FASN: variants seen among roughly 807,000 people sequenced by gnomAD.
FASN encodes 3-hydroxyacyl-[acyl-carrier-protein] dehydratase.
A neutral mutation model predicts 250.0 loss-of-function variants in FASN; 50 were observed. The observed-to-expected ratio is 0.20, with a 90% confidence interval of 0.16 to 0.25. FASN has a LOEUF of 0.25. Ranked by LOEUF, FASN falls within the 10% of genes least tolerant of loss-of-function variation. The probability of loss-of-function intolerance (pLI) is 1.00; values close to 1 mark genes in which losing one functional copy is unlikely to be tolerated. For missense variants in FASN, 3,031 were observed against 3,498.5 expected (o/e 0.87, Z 3.37); for synonymous variants, 1,909 against 1,584.0 (o/e 1.21, Z -4.87).
chr17:82,086,884 G>GGGGGCTC (rs1265916014), intron 21 of FASN, among the ~76,000 whole-genome samples, 166 bp downstream of exon 21: 1 of 151,710 alleles, frequency 6.6e-6, no homozygotes, highest in Non-Finnish European at 1.5e-5. Context: ...GCTGGGGGCT[G>GGGGGCTC]GGGGAGGGAG....
rs1274674135 is a variant in FASN, at chr17:82,086,414, T to G, written c.3572A>C (p.Asn1191Thr). The change falls in exon 22 of 43, where the codon AAC becomes ACC. Residue 1191 changes from asparagine (N) to threonine (T), a missense_variant. By Grantham distance (65) the Asn-to-Thr change is moderately conservative. Coordinates refer to ENST00000306749, the MANE Select transcript of FASN (RefSeq NM_004104.5). ...CGCCAGCTCCAGCTGCAGGTTCCCG[T>G]TGAGCTGAAGCCTGCAGGCAGCCGA... ...LLSAACRLQL[N>T]GNLQLELAQV... 1 of 1,611,286 alleles carries G rather than the reference T, an allele frequency of 6.2e-7. No homozygotes were observed. The highest frequency in any genetic ancestry group is 8.5e-7 in the Non-Finnish European group (1 of 1,179,906).
In FASN at chr17:82,084,578, T is replaced by C. The variant is rs2034054305; in HGVS notation, c.4703A>G (p.Tyr1568Cys). Residue 1568 changes from tyrosine to cysteine, a missense_variant, in exon 27 of 43, where the codon TAC becomes TGC. Tyr to Cys is a radical substitution (Grantham distance 194, BLOSUM62 -2). Transcript: ENST00000306749. ...CPGAQLCTVYYASLNFRDIML... is the reference protein window; with the variant it reads ...CPGAQLCTVYCASLNFRDIML... ...GATGTCGCGGAAGTTGAGGGAGGCG[T>C]AGTAGACCGTGCAGAGCTGGGCGCC... 1 of 1,611,250 alleles carries C rather than the reference T, an allele frequency of 6.2e-7. No individual in the cohort carries two copies.
chr17:82,093,985 T>TA (rs1428977563), intron 3 of FASN: 1 of 622,244 alleles, frequency 1.6e-6, no homozygotes, highest in Non-Finnish European at 2.9e-6. Context: ...CCAGCCCAGG[T>TA]GAGGCCTGGA....
intron 1 of FASN, chr17:82,096,692 G>A (rs1598586204): frequency 1.7e-6 from 1 of 574,686 alleles, no homozygotes; most frequent in Non-Finnish European, 3.1e-6. Flanking sequence ...GACCCATTCA[G>A]TTCAGGGTAT....
chr17:82,091,341 G>A lies in FASN; in HGVS notation c.1373C>T (p.Ala458Val), dbSNP rs143812680. Residue 458 changes from alanine to valine, a missense_variant, in exon 9 of 43, where the codon GCG becomes GTG. Coordinates refer to ENST00000306749, the MANE Select transcript of FASN (RefSeq NM_004104.5). ...LAFLSMLNDI[A>V]AVPATAMPFR... ...GGGCATGGCGGTGGCGGGGACAGCCGCGATGTCGTTCAGCATGCTCAGGAA... is the reference window on the plus strand; with the variant it reads ...GGGCATGGCGGTGGCGGGGACAGCCACGATGTCGTTCAGCATGCTCAGGAA... 1.4e-5 allele frequency: 22 copies of A among 1,610,312 alleles called. No homozygotes were observed. The highest frequency in any genetic ancestry group is 7.7e-5 in the South Asian group (7 of 90,802).
chr17:82,082,878 G>T, intron 33 of FASN, 36 bp downstream of exon 33: 1 of 1,609,046 alleles, frequency 6.2e-7, no homozygotes, highest in Non-Finnish European at 8.5e-7. Context: ...GCTGTGCCTG[G>T]CCCAGGCTGG....
Position 82,082,180 on chromosome 17 carries a change from T to C in FASN, c.6012-20A>G. On this transcript the variant is annotated intron_variant, in intron 35 of 42. Transcript: ENST00000306749. ...GTCACCCTGTGGGCACGCGTGTCAC[T>C]CCCCATTGGCCAGCATCCCCAGGAG... 6.2e-7 allele frequency: 1 copy of C among 1,601,258 alleles called. No homozygotes were observed. The highest frequency in any genetic ancestry group is 8.5e-7 in the Non-Finnish European group (1 of 1,179,864).
intron 21 of FASN, among the ~76,000 whole-genome samples, 168 bp downstream of exon 21, chr17:82,086,882 C>A (rs2034112737): frequency 7.1e-6 from 1 of 141,052 alleles, no homozygotes; most frequent in African/African-American, 2.5e-5. Flanking sequence ...AGGCTGGGGG[C>A]TGGGGGAGGG....
At chr17:82,094,755 C>A (rs140237045) in intron 3 of FASN, among the ~76,000 whole-genome samples, 1 of 151,496 alleles carries the variant, frequency 6.6e-6, no homozygotes, top group Non-Finnish European at 1.5e-5. Context: ...CGCCACTGCA[C>A]TCCAACCTGG....
Position 82,091,328 on chromosome 17 carries a change from G to C in FASN, c.1386C>G (p.Ala462=). Residue 462 remains alanine (A), a synonymous_variant, in exon 9 of 43, where the codon GCC becomes GCG. Coordinates refer to ENST00000306749, the MANE Select transcript of FASN (RefSeq NM_004104.5). ...CGTAGCCACGGAAGGGCATGGCGGT[G>C]GCGGGGACAGCCGCGATGTCGTTCA... ...SMLNDIAAVP[A]TAMPFRGYAV... is the part of the protein sequence containing the mutation. 6.2e-7 allele frequency: 1 copy of C among 1,610,048 alleles called. No homozygotes were observed. The highest frequency in any genetic ancestry group is 1.3e-5 in the African/African-American group (1 of 75,038).
rs1288990294 is a variant in FASN at position 82,091,293 on chromosome 17, C to G, written c.1421G>C (p.Gly474Ala). The G allele has an allele frequency of 1.2e-6, 2 of 1,609,872 alleles. No individual in the cohort carries two copies. Among genetic ancestry groups the G allele is most frequent in the South Asian group, 1.1e-5 (1 of 90,746 alleles). Residue 474 changes from glycine (G) to alanine (A), a missense_variant, in exon 9 of 43, where the codon GGT (glycine) becomes GCT (alanine). Physicochemically the swap from Gly to Ala is moderately conservative, Grantham distance 60. Coordinates refer to ENST00000306749, the MANE Select transcript of FASN (RefSeq NM_004104.5). ...AMPFRGYAVL[G>A]GERGGPEVQQ... The stretch of plus-strand genomic sequence containing the variant: ...CACCTCTGGGCCACCGCGCTCACCA[C>G]CCAGCACAGCGTAGCCACGGAAGGG...
chr17:82,090,623 G>A (rs78840189), intron 10 of FASN, 59 bp from the exon 11 acceptor site: 17,508 of 1,481,014 alleles, frequency 0.012, 158 homozygotes, highest in Middle Eastern at 0.015. Context: ...TGTTGGGGGC[G>A]GCCCCCGGCC....
rs756578424 is a variant in FASN at position 82,082,952 on chromosome 17, T to C, written c.5729A>G (p.Gln1910Arg). 4 of 1,612,730 alleles carry C rather than the reference T, an allele frequency of 2.5e-6. No individual in the cohort carries two copies. The highest frequency in any genetic ancestry group is 2.7e-5 in the African/African-American group (2 of 74,918). ...GGAGCGAGAAGTCAACACGAGCTTCTGCACCCCACGCTGTATCAGCCACTG... is the reference window on the plus strand; with the variant it reads ...GGAGCGAGAAGTCAACACGAGCTTCCGCACCCCACGCTGTATCAGCCACTG... ...LAQWLIQRGV[Q>R]KLVLTSRSGI... is the part of the protein sequence containing the mutation. Residue 1910 changes from glutamine to arginine, a missense_variant, in exon 33 of 43, where the codon CAG (glutamine) becomes CGG (arginine). Gln to Arg is a conservative substitution (Grantham distance 43). Transcript: ENST00000306749.
In FASN at chr17:82,085,626, G is replaced by C. The variant is rs748732731; in HGVS notation, c.3978C>G (p.Ala1326=). 6.3e-7 allele frequency: 1 copy of C among 1,598,576 alleles called. No homozygotes were observed. The highest frequency in any genetic ancestry group is 2.3e-5 in the East Asian group (1 of 44,022). Residue 1326 remains alanine (A), a synonymous_variant, in exon 23 of 43, where the codon GCC becomes GCG. Transcript: ENST00000306749. ...NCAVAALGDP[A]SALSNMVAAL... ...CAGCCACCATGTTGCTGAGAGCTGAGGCCGGGTCCCCGAGGGCAGCCACAG... is the reference window on the plus strand; with the variant it reads ...CAGCCACCATGTTGCTGAGAGCTGACGCCGGGTCCCCGAGGGCAGCCACAG...
rs1274876672 is a variant in FASN, at chr17:82,086,385, C to T, written c.3601G>A (p.Val1201Met). The T allele has an allele frequency of 5.0e-6, 8 of 1,609,870 alleles. No homozygotes were observed. The highest frequency in any genetic ancestry group is 1.1e-5 in the South Asian group (1 of 91,028). Residue 1201 changes from valine to methionine, a missense_variant, in exon 22 of 43, where the codon GTG becomes ATG. Coordinates refer to ENST00000306749, the MANE Select transcript of FASN (RefSeq NM_004104.5). ...AGCTTGGGCCTCTCCTGGGCCAGCA[C>T]CTGCGCCAGCTCCAGCTGCAGGTTC... ...NGNLQLELAQ[V>M]LAQERPKLPE...
intron 14 of FASN, 44 bp from the exon 15 acceptor site, chr17:82,088,920 G>A: frequency 6.2e-7 from 1 of 1,609,882 alleles, no homozygotes; most frequent in African/African-American, 1.3e-5. Flanking sequence ...GCTCAGCTGA[G>A]GCGCCCATCC....
At chr17:82,093,922 A>G (rs930494730) in intron 3 of FASN, 151 bp from the exon 4 acceptor site, 3 of 832,626 alleles carry the variant, frequency 3.6e-6, no homozygotes, top group Non-Finnish European at 5.8e-6. Flanking sequence ...GAAGGGGCCT[A>G]AGGAGGGTGA....
In FASN at chr17:82,083,906, A is replaced by T. The variant is rs763822645; in HGVS notation, c.5099-15T>A. 1.9e-6 allele frequency: 3 copies of T among 1,557,878 alleles called. No individual in the cohort carries two copies. Among genetic ancestry groups the T allele is most frequent in the Non-Finnish European group, 2.6e-6 (3 of 1,150,876 alleles). ...CTCAGCCGACCCTGGTGAAGAGAGG[A>T]AGCGCGGCTGGTGAGCCAGGGCGGC... On this transcript the variant is annotated splice_polypyrimidine_tract_variant and intron_variant, in intron 29 of 42. Transcript: ENST00000306749.
chr17:82,084,842 G>A lies in FASN; in HGVS notation c.4521C>T (p.Arg1507=), dbSNP rs368040080. 221 of 1,550,318 alleles carry A rather than the reference G, an allele frequency of 1.4e-4. No homozygotes were observed. Among genetic ancestry groups the A allele is most frequent in the Non-Finnish European group, 1.8e-4 (209 of 1,146,988 alleles). The change falls in exon 26 of 43, where the codon CGC becomes CGT. Residue 1507 remains arginine (R), a synonymous_variant. Coordinates refer to ENST00000306749, the MANE Select transcript of FASN (RefSeq NM_004104.5). The part of the protein sequence containing the change: ...LQGDLVMNVY[R]DGAWGAFRHF... ...GGCGGAAAGCCCCCCAGGCCCCGTC[G>A]CGGTAGACGTTCATCACCAGGTCTC...
Sources: allele counts gnomAD v4.1 joint callset (sites outside exome capture counted in the v4.1 genomes callset), GRCh38; gene constraint gnomAD v4.1.1; transcripts MANE v1.5; gene names NCBI Gene and HGNC (gene_info 2026-07-23, HGNC 2026-07-21).